PTCD2: variants seen among roughly 807,000 people sequenced by gnomAD.
PTCD2 encodes the protein pentatricopeptide repeat domain 2.
PTCD2 carries 31 observed loss-of-function variants against 42.6 expected under a neutral mutation model. The observed-to-expected ratio is 0.73, with a 90% CI of 0.55 to 0.98. The LOEUF (loss-of-function observed/expected upper bound fraction) is 0.98, where lower values mean the gene tolerates loss of function less well. PTCD2 is among the 50% of genes least tolerant of loss of function. The pLI, the probability that PTCD2 is intolerant of heterozygous loss-of-function variation, is 0.00. For synonymous variants in PTCD2, 183 were observed against 170.9 expected, an observed-to-expected ratio of 1.07 and a Z score of -0.55; for missense variants, 476 against 454.8, an observed-to-expected ratio of 1.05 and a Z score of -0.42.
intron 2 of PTCD2, among the ~76,000 whole-genome samples, chr5:72,326,018 CT>C (rs1751116520): frequency 6.6e-6 from 1 of 152,204 alleles, no homozygotes; most frequent in Non-Finnish European, 1.5e-5. Context: ...GTTTTCCCCC[CT>C]GCCCATTACA....
intron 1 of PTCD2, among the ~76,000 whole-genome samples, chr5:72,321,598 A>G (rs191597053): frequency 2.1e-4 from 32 of 152,318 alleles, no homozygotes; most frequent in Admixed American, 1.2e-3. Context: ...AGGATCCTAA[A>G]GAAAGGATGA....
chr5:72,341,191 A>G (rs1222636684), intron 7 of PTCD2, among the ~76,000 whole-genome samples: 3 of 151,920 alleles, frequency 2.0e-5, no homozygotes, highest in Non-Finnish European at 4.4e-5. Flanking sequence ...GGGTTTCACC[A>G]TGTTGGCCAT....
At chr5:72,324,920 G>A (rs1751056897) in intron 2 of PTCD2, among the ~76,000 whole-genome samples, 2 of 151,706 alleles carry the variant, frequency 1.3e-5, no homozygotes, top group Admixed American at 1.3e-4. Flanking sequence ...GGATTCTTAA[G>A]GTGTTGTTTT....
intron 3 of PTCD2, among the ~76,000 whole-genome samples, chr5:72,329,936 CTT>C (rs71614471): frequency 1.0e-4 from 15 of 143,246 alleles, no homozygotes; most frequent in Non-Finnish European, 9.1e-5. Flanking sequence ...TTTATAACTT[CTT>C]TTTTTTTTTT....
chr5:72,327,763 C>T (rs764797911), intron 3 of PTCD2, among the ~76,000 whole-genome samples: 3 of 152,150 alleles, frequency 2.0e-5, no homozygotes, highest in African/African-American at 2.4e-5. Context: ...TGAGCCACCA[C>T]GCCCAGCCCT....
chr5:72,324,045 A>C (rs1376253015), intron 2 of PTCD2, among the ~76,000 whole-genome samples: 4 of 152,216 alleles, frequency 2.6e-5, no homozygotes, highest in African/African-American at 9.6e-5. Flanking sequence ...GGGCAAAAAA[A>C]TAAACCTTTG....
chr5:72,352,899 G>T, intron 9 of PTCD2, 145 bp downstream of exon 9: 1 of 543,886 alleles, frequency 1.8e-6, no homozygotes, highest in Non-Finnish European at 3.3e-6. Context: ...AGACTTCCAT[G>T]TATATGTGCA....
chr5:72,361,644 T>A lies in PTCD2; in HGVS notation c.*3217T>A, dbSNP rs1753096390. 6.6e-6 allele frequency: 1 copy of A among 152,240 alleles called. No homozygotes were observed. The highest frequency in any genetic ancestry group is 2.4e-5 in the African/African-American group (1 of 41,454). The allele number at this position is 152,240 out of a possible 1,614,324, so 9.4% of individuals were successfully genotyped here. A position where few individuals can be genotyped will look rare whatever the true frequency, so the allele number is the denominator to read the frequency against. The stretch of plus-strand genomic sequence containing the variant: ...AAGAATAAATTCTGTGAAACTGTAG[T>A]AGATAGTCTGTTTTCTCCCCTGTTT... On this transcript the variant is annotated 3_prime_UTR_variant, in exon 10 of 10. Coordinates refer to ENST00000380639, the MANE Select transcript of PTCD2 (RefSeq NM_024754.5).
chr5:72,351,346 A>C (rs1049016317), intron 8 of PTCD2, among the ~76,000 whole-genome samples: 6 of 152,230 alleles, frequency 3.9e-5, no homozygotes, highest in Admixed American at 2.0e-4. Flanking sequence ...TTGAAAGTTC[A>C]TTAATAGATA....
intron 9 of PTCD2, among the ~76,000 whole-genome samples, chr5:72,354,570 T>G (rs1286925004): frequency 6.6e-6 from 1 of 152,142 alleles, no homozygotes; most frequent in Non-Finnish European, 1.5e-5. Context: ...TACCCTATGA[T>G]ATTTCTCTTG....
intron 6 of PTCD2, among the ~76,000 whole-genome samples, chr5:72,336,843 G>A (rs1010464331): frequency 6.6e-6 from 1 of 151,920 alleles, no homozygotes; most frequent in Non-Finnish European, 1.5e-5. Flanking sequence ...ATGTATTACT[G>A]TTGTCATTCG....
rs1019336814 is a variant in PTCD2 at position 72,349,404 on chromosome 5, A to G, written c.829-3237A>G. ...GTTTCGTACATACATGAAAGTGTCTATTAAGGTTAGGGAGTTCTGTTATCG... is the reference window on the plus strand; with the variant it reads ...GTTTCGTACATACATGAAAGTGTCTGTTAAGGTTAGGGAGTTCTGTTATCG... On this transcript the variant is annotated intron_variant, in intron 8 of 9. Transcript: ENST00000380639. Among the ~76,000 whole-genome samples, 22 of 152,366 alleles carry G rather than the reference A, an allele frequency of 1.4e-4. 1 individual carries two copies. The highest frequency in any genetic ancestry group is 1.4e-3 in the Admixed American group (21 of 15,298).
At chr5:72,357,246 A>T (rs552806930) in intron 9 of PTCD2, among the ~76,000 whole-genome samples, 1 of 152,344 alleles carries the variant, frequency 6.6e-6, no homozygotes, top group Non-Finnish European at 1.5e-5. Flanking sequence ...CTATCAGGAA[A>T]TGATAGCACC....
At chr5:72,340,098 GCTTT>G (rs1274568566) in intron 7 of PTCD2, among the ~76,000 whole-genome samples, 1 of 152,012 alleles carries the variant, frequency 6.6e-6, no homozygotes, top group Non-Finnish European at 1.5e-5. Flanking sequence ...CTCGTTTGAT[GCTTT>G]CTGTTTCTAT....
Position 72,358,314 on chromosome 5 carries a change from G to C in PTCD2, c.1054G>C (p.Ala352Pro). The C allele has an allele frequency of 6.2e-7, 1 of 1,614,040 alleles. No individual in the cohort carries two copies. The highest frequency in any genetic ancestry group is 8.5e-7 in the Non-Finnish European group (1 of 1,179,972). Residue 352 changes from alanine to proline, a missense_variant, in exon 10 of 10, where the codon GCT becomes CCT. Ala to Pro is a conservative substitution (Grantham distance 27, BLOSUM62 -1). Coordinates refer to ENST00000380639, the MANE Select transcript of PTCD2 (RefSeq NM_024754.5). ...TGQVTTDSLDAVLCHTPRDRK... is the reference protein window; with the variant it reads ...TGQVTTDSLDPVLCHTPRDRK... ...CCAGGTCACCACTGATTCTTTGGAT[G>C]CTGTGCTCTGCCACACCCCCAGGGA...
intron 3 of PTCD2, among the ~76,000 whole-genome samples, chr5:72,328,517 G>A (rs969711247): frequency 2.6e-5 from 4 of 152,168 alleles, no homozygotes; most frequent in Non-Finnish European, 5.9e-5. Context: ...TCTACCTCTG[G>A]ATGGATGGAG....
chr5:72,356,459 A>G (rs569719104), intron 9 of PTCD2, among the ~76,000 whole-genome samples: 3 of 152,046 alleles, frequency 2.0e-5, no homozygotes, highest in South Asian at 4.2e-4. Context: ...TTCTAAATAT[A>G]TATGTGTGAG....
chr5:72,343,768 A>G (rs549752384), intron 8 of PTCD2, among the ~76,000 whole-genome samples: 196 of 152,308 alleles, frequency 1.3e-3, no homozygotes, highest in African/African-American at 4.6e-3. Flanking sequence ...CCAGAGTTTG[A>G]GCAGTGTGTC....
At chr5:72,334,902 G>C (rs989631591) in intron 4 of PTCD2, 116 bp from the exon 5 acceptor site, 1 of 673,004 alleles carries the variant, frequency 1.5e-6, no homozygotes, top group Non-Finnish European at 2.6e-6. Flanking sequence ...AATTCAGAAG[G>C]CCAAATGAGT....
Sources: gnomAD v4.1 joint callset for allele counts (sites outside exome capture counted in the v4.1 genomes callset) on GRCh38, gnomAD v4.1.1 for gene constraint, MANE v1.5 for transcripts, NCBI Gene and HGNC (gene_info 2026-07-23, HGNC 2026-07-21) for gene names.